RGS6: variants seen among roughly 807,000 people sequenced by gnomAD.
RGS6 encodes the protein regulator of G-protein signaling 6.
In RGS6, 30 loss-of-function variants were observed where a neutral mutation model predicts 78.5. That is an observed-to-expected ratio of 0.38 (90% CI 0.29 to 0.52). RGS6 has a LOEUF of 0.52. Among genes scored for constraint, RGS6 ranks in the 20% least tolerant of loss-of-function variants. The pLI, the probability that RGS6 is intolerant of heterozygous loss-of-function variation, is 0.85. For missense variants in RGS6, 495 were observed against 609.7 expected (o/e 0.81, Z 1.98); for synonymous variants, 206 against 206.0 (o/e 1.00, Z 0.00).
intron 3 of RGS6, among the ~76,000 whole-genome samples, chr14:72,360,727 A>T (rs1596265173): frequency 6.6e-6 from 1 of 152,152 alleles, no homozygotes; most frequent in East Asian, 1.9e-4. Flanking sequence ...TTAGTCAACT[A>T]GGAAAGTAGA....
intron 2 of RGS6, among the ~76,000 whole-genome samples, chr14:72,093,263 A>T (rs1255981038): frequency 6.6e-6 from 1 of 152,082 alleles, no homozygotes; most frequent in East Asian, 1.9e-4. Context: ...TTTTATCGAG[A>T]CAGGATCTCA....
intron 2 of RGS6, among the ~76,000 whole-genome samples, chr14:72,339,770 G>A (rs1312683365): frequency 1.3e-5 from 2 of 152,154 alleles, no homozygotes; most frequent in Non-Finnish European, 2.9e-5. Flanking sequence ...TTCGGAGGCA[G>A]CATTAAAAAT....
the RGS6 span, among the ~76,000 whole-genome samples, chr14:71,870,372 T>A: frequency 2.3e-3 from 349 of 152,248 alleles, 3 homozygotes; most frequent in African/African-American, 8.1e-3. Context: ...TACCTCCTTA[T>A]GAGATACCCA....
At chr14:71,993,160 G>T (rs1426903691) in intron 2 of RGS6, among the ~76,000 whole-genome samples, 13 of 152,186 alleles carry the variant, frequency 8.5e-5, no homozygotes, top group African/African-American at 1.7e-4. Context: ...AAACTGTAAG[G>T]TAAGGGAGGA....
At chr14:71,919,723 G>T in the RGS6 span, among the ~76,000 whole-genome samples, 3 of 152,158 alleles carry the variant, frequency 2.0e-5, no homozygotes, top group Admixed American at 2.0e-4. Flanking sequence ...GCTGGGCGCG[G>T]TGGCTCACAC....
intron 1 of RGS6, among the ~76,000 whole-genome samples, chr14:71,938,157 G>A (rs2089867022): frequency 6.6e-6 from 1 of 152,186 alleles, no homozygotes. Flanking sequence ...CCGTTGGTGA[G>A]CACTTACATG....
chr14:72,327,040 A>G (rs187904528), intron 2 of RGS6, among the ~76,000 whole-genome samples: 150 of 152,314 alleles, frequency 9.8e-4, no homozygotes, highest in African/African-American at 3.5e-3. Flanking sequence ...AGAGTGGCCT[A>G]ACACGTATAC....
chr14:72,124,480 A>G (rs1486362124), intron 2 of RGS6, among the ~76,000 whole-genome samples: 4 of 152,192 alleles, frequency 2.6e-5, no homozygotes, highest in Admixed American at 2.0e-4. Flanking sequence ...GCTTTTTGCT[A>G]GGATTCTTAA....
At chr14:72,533,608 A>G (rs1377299279) in intron 15 of RGS6, among the ~76,000 whole-genome samples, 3 of 152,260 alleles carry the variant, frequency 2.0e-5, no homozygotes, top group Non-Finnish European at 4.4e-5. Context: ...GGATGCCATT[A>G]AGAACATTTG....
At chr14:72,337,280 C>G (rs1221287824) in intron 2 of RGS6, among the ~76,000 whole-genome samples, 1 of 151,664 alleles carries the variant, frequency 6.6e-6, no homozygotes, top group East Asian at 1.9e-4. Context: ...ACACCCCCTC[C>G]CCTGTAAAAG....
intron 2 of RGS6, among the ~76,000 whole-genome samples, chr14:72,236,691 G>A (rs1054023003): frequency 1.3e-5 from 2 of 152,262 alleles, no homozygotes; most frequent in Admixed American, 6.5e-5. Flanking sequence ...GCCGGGCAGA[G>A]GCCCTCATCA....
intron 12 of RGS6, among the ~76,000 whole-genome samples, chr14:72,484,485 G>A (rs561561432): frequency 3.3e-5 from 5 of 152,162 alleles, no homozygotes; most frequent in Admixed American, 2.0e-4. Context: ...AACTCAGGAT[G>A]GACAGCATTT....
chr14:72,447,913 A>T (rs2095407341), intron 3 of RGS6, among the ~76,000 whole-genome samples: 1 of 152,214 alleles, frequency 6.6e-6, no homozygotes, highest in African/African-American at 2.4e-5. Flanking sequence ...CATGTTGGCC[A>T]GGCTGGTCTC....
intron 6 of RGS6, among the ~76,000 whole-genome samples, chr14:72,464,140 A>G (rs1199513725): frequency 6.6e-6 from 1 of 152,176 alleles, no homozygotes. Flanking sequence ...TCTTTTGTAT[A>G]TTGGCCCCTC....
At chr14:72,445,860 C>T (rs2095351440) in intron 3 of RGS6, among the ~76,000 whole-genome samples, 1 of 152,086 alleles carries the variant, frequency 6.6e-6, no homozygotes, top group Non-Finnish European at 1.5e-5. Flanking sequence ...AACACTAGAA[C>T]TCCAAAATGT....
chr14:72,398,728 T>A (rs1396729940), intron 3 of RGS6, among the ~76,000 whole-genome samples: 1 of 152,212 alleles, frequency 6.6e-6, no homozygotes, highest in East Asian at 1.9e-4. Flanking sequence ...TTTGAATGTG[T>A]CCCAGAGATT....
intron 2 of RGS6, among the ~76,000 whole-genome samples, chr14:72,349,149 G>C (rs1170186228): frequency 6.6e-6 from 1 of 152,016 alleles, no homozygotes. Context: ...CCTGGGTGAA[G>C]AGTGAGACTC....
chr14:72,094,563 C>T (rs899242899), intron 2 of RGS6, among the ~76,000 whole-genome samples: 3 of 152,072 alleles, frequency 2.0e-5, no homozygotes, highest in African/African-American at 7.2e-5. Flanking sequence ...TCAATTTGTC[C>T]TCTAAATATT....
chr14:72,077,315 A>G (rs1283320476), intron 2 of RGS6, among the ~76,000 whole-genome samples: 4 of 152,136 alleles, frequency 2.6e-5, no homozygotes, highest in Non-Finnish European at 4.4e-5. Context: ...GGCTCTCTAT[A>G]TAAAAAGGAT....
Sources: allele counts gnomAD v4.1 joint callset (sites outside exome capture counted in the v4.1 genomes callset), GRCh38; gene constraint gnomAD v4.1.1; transcripts MANE v1.5; gene names NCBI Gene and HGNC (gene_info 2026-07-23, HGNC 2026-07-21).